The following COL26A1 variants were observed in gnomAD, a reference collection of about 807,000 sequenced individuals.
The protein encoded by COL26A1 is collagen type XXVI alpha 1 chain.
In COL26A1, 41 loss-of-function variants were observed where a neutral mutation model predicts 59.3. That is an observed-to-expected ratio of 0.69 (90% CI 0.54 to 0.90). The LOEUF (loss-of-function observed/expected upper bound fraction) is 0.90, where lower values mean the gene tolerates loss of function less well. COL26A1 is among the 40% of genes least tolerant of loss of function. COL26A1 has a pLI of 0.00. For missense variants in COL26A1, 612 were observed against 602.3 expected (o/e 1.02, Z -0.17); for synonymous variants, 266 against 256.0 (o/e 1.04, Z -0.37).
chr7:101,490,589 TACTCGAGA>T (rs1238185831), intron 3 of COL26A1, among the ~76,000 whole-genome samples: 1 of 151,812 alleles, frequency 6.6e-6, no homozygotes, highest in East Asian at 2.0e-4. Flanking sequence ...TAATCCCACC[TACTCGAGA>T]GGCTGAGGCA....
intron 3 of COL26A1, among the ~76,000 whole-genome samples, chr7:101,483,239 C>T (rs1472892753): frequency 1.3e-5 from 2 of 151,728 alleles, no homozygotes; most frequent in Non-Finnish European, 2.9e-5. Flanking sequence ...GCTCTGTCAC[C>T]CAGGCTAGAG....
At chr7:101,446,184 GT>G (rs1793191517) in intron 2 of COL26A1, among the ~76,000 whole-genome samples, 1 of 151,954 alleles carries the variant, frequency 6.6e-6, no homozygotes, top group Admixed American at 6.6e-5. Context: ...TGAGAGGTCT[GT>G]CCCCTGATCT....
chr7:101,387,756 A>G (rs865784724), intron 1 of COL26A1, among the ~76,000 whole-genome samples: 1 of 60,768 alleles, frequency 1.6e-5, no homozygotes, highest in Non-Finnish European at 3.6e-5. Flanking sequence ...ATATATATTT[A>G]TATATATATA....
intron 1 of COL26A1, among the ~76,000 whole-genome samples, chr7:101,390,743 A>C (rs1334658753): frequency 2.6e-5 from 4 of 152,150 alleles, no homozygotes; most frequent in Non-Finnish European, 5.9e-5. Flanking sequence ...CTTTTAAAGA[A>C]GCCACCAGCT....
Position 101,416,265 on chromosome 7 carries a change from A to G in COL26A1, c.159-3712A>G, listed in dbSNP as rs1463549602. ...AAAGTTAGCCAGCATGTTGGCGCACACCTGTGGTCCCAGCTATCTGGGAGG... is the reference window on the plus strand; with the variant it reads ...AAAGTTAGCCAGCATGTTGGCGCACGCCTGTGGTCCCAGCTATCTGGGAGG... On this transcript the variant is annotated intron_variant, in intron 1 of 12. Transcript: ENST00000313669. Among the ~76,000 whole-genome samples the G allele has an allele frequency of 7.0e-5, 10 of 142,062 alleles. 1 individual carries two copies. The highest frequency in any genetic ancestry group is 2.5e-4 in the African/African-American group (10 of 40,322). 93.2% of individuals were successfully genotyped at this position (142,062 alleles called of 152,430 possible).
chr7:101,452,935 T>C (rs1793378816), intron 3 of COL26A1, among the ~76,000 whole-genome samples: 1 of 152,110 alleles, frequency 6.6e-6, no homozygotes, highest in South Asian at 2.1e-4. Flanking sequence ...TGGCTAATTA[T>C]TGTATTTTTA....
chr7:101,537,562 C>T lies in COL26A1; in HGVS notation c.448-2331C>T, dbSNP rs539959945. ...CACAGCCAGGCCAGGAGGGCTGAGA[C>T]GCTGGCAGGGGCAGATTCCAACCAG... On this transcript the variant is annotated intron_variant, in intron 4 of 12. Coordinates refer to ENST00000313669, the MANE Select transcript of COL26A1 (RefSeq NM_001278563.3). 1.0e-3 allele frequency among the ~76,000 whole-genome samples: 153 copies of T among 152,296 alleles called. No individual in the cohort carries two copies. In the Middle Eastern group the frequency reaches 0.027, roughly 27 times the overall value.
intron 2 of COL26A1, among the ~76,000 whole-genome samples, chr7:101,437,196 TGGGTACTTTGA>T (rs1792936705): frequency 6.6e-6 from 1 of 152,100 alleles, no homozygotes; most frequent in African/African-American, 2.4e-5. Flanking sequence ...AAGAGAAGTC[TGGGTACTTTGA>T]GGGTGTAGAT....
intron 5 of COL26A1, among the ~76,000 whole-genome samples, chr7:101,540,280 G>A (rs940895619): frequency 4.6e-5 from 7 of 152,134 alleles, no homozygotes; most frequent in African/African-American, 7.2e-5. Context: ...GCTCATGCCT[G>A]TAATCCCAAC....
intron 3 of COL26A1, among the ~76,000 whole-genome samples, chr7:101,517,798 A>ATTTTTTTTTT (rs869245512): frequency 1.0e-4 from 8 of 76,912 alleles, no homozygotes; most frequent in Admixed American, 1.7e-4. Flanking sequence ...TTCTCCCCGC[A>ATTTTTTTTTT]TTTTTTTTTT....
At chr7:101,522,847 A>G (rs1162048075) in intron 3 of COL26A1, among the ~76,000 whole-genome samples, 2 of 151,462 alleles carry the variant, frequency 1.3e-5, no homozygotes, top group Non-Finnish European at 2.9e-5. Flanking sequence ...AGTAACTGTT[A>G]GTCTTTTTAA....
At chr7:101,477,734 T>C (rs552139601) in intron 3 of COL26A1, among the ~76,000 whole-genome samples, 1 of 152,326 alleles carries the variant, frequency 6.6e-6, no homozygotes, top group Admixed American at 6.5e-5. Flanking sequence ...TCCTCTTTCT[T>C]TGAGACTTTG....
intron 2 of COL26A1, among the ~76,000 whole-genome samples, chr7:101,442,525 T>C (rs1195173338): frequency 6.6e-6 from 1 of 152,208 alleles, no homozygotes; most frequent in Non-Finnish European, 1.5e-5. Flanking sequence ...TCCTTCCTTA[T>C]CTGCCATGCG....
chr7:101,528,582 C>T (rs1402152497), intron 3 of COL26A1, among the ~76,000 whole-genome samples: 1 of 151,730 alleles, frequency 6.6e-6, no homozygotes, highest in Non-Finnish European at 1.5e-5. Flanking sequence ...GGGTCTGGCT[C>T]TGTTGCCCAA....
intron 3 of COL26A1, among the ~76,000 whole-genome samples, chr7:101,504,158 T>G (rs10246355): frequency 5.1e-4 from 77 of 152,022 alleles, no homozygotes; most frequent in Admixed American, 1.7e-3. Context: ...TGGAGTGCAG[T>G]GGTGCAATCT....
At position 101,557,788 on chromosome 7, in the gene COL26A1, G is replaced by A. The variant is rs1796016385; in HGVS notation, c.*258G>A. ...CTGGAGACGGGGTCTGGGTGGGCTG[G>A]GTGCTGGGAATGAGAATAATCCTAA... On this transcript the variant is annotated 3_prime_UTR_variant, in exon 13 of 13. Coordinates refer to ENST00000313669, the MANE Select transcript of COL26A1 (RefSeq NM_001278563.3). The A allele has an allele frequency of 2.2e-6, 1 of 445,222 alleles. No homozygotes were observed. The allele number at this position is 445,222 out of a possible 1,614,324, so 27.6% of individuals were successfully genotyped here.
chr7:101,541,113 A>T (rs1307676364), intron 5 of COL26A1, among the ~76,000 whole-genome samples: 1 of 152,028 alleles, frequency 6.6e-6, no homozygotes, highest in Non-Finnish European at 1.5e-5. Flanking sequence ...ACCATTCCCT[A>T]TTGTCTTACA....
chr7:101,387,015 TACCGC>T (rs1411480928), intron 1 of COL26A1, among the ~76,000 whole-genome samples: 1 of 152,112 alleles, frequency 6.6e-6, no homozygotes, highest in East Asian at 1.9e-4. Context: ...GGGGTAGGGT[TACCGC>T]ACACCAGGAA....
At chr7:101,424,299 T>C (rs1419548988) in intron 2 of COL26A1, among the ~76,000 whole-genome samples, 1 of 152,168 alleles carries the variant, frequency 6.6e-6, no homozygotes, top group Non-Finnish European at 1.5e-5. Context: ...GCTGTTATTA[T>C]ATTTTACTAG....
Sources: gnomAD v4.1 joint callset for allele counts (sites outside exome capture counted in the v4.1 genomes callset) on GRCh38, gnomAD v4.1.1 for gene constraint, MANE v1.5 for transcripts, NCBI Gene and HGNC (gene_info 2026-07-23, HGNC 2026-07-21) for gene names.